Variants in LRBA observed in about 807,000 individuals in gnomAD.
LRBA encodes the protein LPS responsive beige-like anchor protein.
Under a neutral mutation model 330.0 loss-of-function variants are expected in LRBA, and 176 were observed. That is an observed-to-expected ratio of 0.53 (90% CI 0.47 to 0.60). The LOEUF (loss-of-function observed/expected upper bound fraction) is 0.60. Among genes scored for constraint, LRBA ranks in the 20% least tolerant of loss-of-function variants. The pLI is 0.00. For synonymous variants in LRBA, 1,230 were observed against 1,193.0 expected, an observed-to-expected ratio of 1.03 and a Z score of -0.64; for missense variants, 3,259 against 3,444.8, an observed-to-expected ratio of 0.95 and a Z score of 1.35.
chr4:150,872,131 C>T (rs192686539), intron 18 of LRBA, among the ~76,000 whole-genome samples: 1 of 152,310 alleles, frequency 6.6e-6, no homozygotes, highest in Admixed American at 6.5e-5. Flanking sequence ...ACTTTATTTA[C>T]AGGTGGCTAA....
chr4:150,945,837 T>C (rs1736183083), intron 2 of LRBA, among the ~76,000 whole-genome samples: 1 of 152,104 alleles, frequency 6.6e-6, no homozygotes, highest in Admixed American at 6.5e-5. Flanking sequence ...TCTCGCTTTG[T>C]TGCCCAGGCT....
At chr4:150,932,327 A>T (rs968804823) in intron 2 of LRBA, among the ~76,000 whole-genome samples, 5 of 151,974 alleles carry the variant, frequency 3.3e-5, no homozygotes, top group East Asian at 1.9e-4. Context: ...AAAAATTTTT[A>T]AAAGAAAATA....
At chr4:150,500,058 C>T (rs1760060398) in intron 40 of LRBA, among the ~76,000 whole-genome samples, 1 of 152,038 alleles carries the variant, frequency 6.6e-6, no homozygotes, top group Admixed American at 6.6e-5. Context: ...TGTAGAATGA[C>T]TCCAGTGAAC....
intron 47 of LRBA, among the ~76,000 whole-genome samples, chr4:150,391,861 CA>C (rs33972095): frequency 0.46 from 68,952 of 150,984 alleles, 15,835 homozygotes; most frequent in South Asian, 0.5. Flanking sequence ...TTTCAGCTCA[CA>C]CCCTTCTAAC....
At chr4:150,671,304 G>A (rs1446283202) in intron 37 of LRBA, among the ~76,000 whole-genome samples, 1 of 152,268 alleles carries the variant, frequency 6.6e-6, no homozygotes, top group African/African-American at 2.4e-5. Context: ...GTCAGACACT[G>A]TTCTATATGC....
intron 56 of LRBA, among the ~76,000 whole-genome samples, chr4:150,266,481 C>T (rs1745353584): frequency 6.6e-6 from 1 of 152,006 alleles, no homozygotes; most frequent in African/African-American, 2.4e-5. Flanking sequence ...AGATGGAGAA[C>T]ATAGGTGAAC....
intron 36 of LRBA, among the ~76,000 whole-genome samples, chr4:150,697,340 A>AAAAAAC (rs1784733238): frequency 6.7e-6 from 1 of 148,734 alleles, no homozygotes; most frequent in Non-Finnish European, 1.5e-5. Context: ...AAAAAAAAAA[A>AAAAAAC]AAAAAAAAAA....
intron 35 of LRBA, among the ~76,000 whole-genome samples, chr4:150,736,232 GATA>G (rs1731163992): frequency 2.6e-5 from 4 of 152,144 alleles, no homozygotes; most frequent in African/African-American, 4.8e-5. Context: ...TCTAAAGGAA[GATA>G]ATATCATAGA....
intron 29 of LRBA, among the ~76,000 whole-genome samples, chr4:150,828,961 G>A (rs1746737488): frequency 6.6e-6 from 1 of 151,152 alleles, no homozygotes; most frequent in South Asian, 2.1e-4. Context: ...GTGTGTGTGT[G>A]TGTCAGTCTG....
intron 40 of LRBA, among the ~76,000 whole-genome samples, chr4:150,546,269 A>G (rs1049188638): frequency 3.3e-5 from 5 of 152,212 alleles, no homozygotes; most frequent in African/African-American, 1.2e-4. Context: ...TTGGTGAACA[A>G]ATACAATGTT....
At position 150,471,605 on chromosome 4, in the gene LRBA, A is replaced by G; in HGVS notation, c.6667+19T>C. On this transcript the variant is annotated intron_variant, in intron 43 of 56. Coordinates refer to ENST00000651943, the MANE Select transcript of LRBA (RefSeq NM_001364905.1). Reference sequence around the variant, plus strand: ...ATAATTTATTGTCTAAAATAAATCAATACATGGAATTAGGTTACCTGCTAT... The same window carrying G: ...ATAATTTATTGTCTAAAATAAATCAGTACATGGAATTAGGTTACCTGCTAT... 7.8e-7 allele frequency: 1 copy of G among 1,277,144 alleles called. No homozygotes were observed. The highest frequency in any genetic ancestry group is 1.1e-6 in the Non-Finnish European group (1 of 898,182). 79.1% of individuals were successfully genotyped at this position (1,277,144 alleles called of 1,614,324 possible).
chr4:150,294,060 G>A (rs571202151), intron 53 of LRBA, among the ~76,000 whole-genome samples: 4 of 152,278 alleles, frequency 2.6e-5, no homozygotes, highest in Admixed American at 1.3e-4. Flanking sequence ...AAGTTTCTGG[G>A]GAGTCAAAAG....
At chr4:150,615,664 T>C (rs1160371345) in intron 37 of LRBA, among the ~76,000 whole-genome samples, 2 of 152,204 alleles carry the variant, frequency 1.3e-5, no homozygotes, top group South Asian at 2.1e-4. Flanking sequence ...AATTTGGTTT[T>C]AAACATGTTT....
In LRBA at chr4:150,265,661, G is replaced by T; in HGVS notation, c.*61C>A. 1 of 1,070,678 alleles carries T rather than the reference G, an allele frequency of 9.3e-7. No homozygotes were observed. The highest frequency in any genetic ancestry group is 1.5e-6 in the Non-Finnish European group (1 of 685,152). 66.3% of individuals were successfully genotyped at this position (1,070,678 alleles called of 1,614,324 possible). ...AGTTACATTCAGATGTGGTAGAAGA[G>T]AATGATGCTCCAGGTACTTCTGCTC... On this transcript the variant is annotated 3_prime_UTR_variant, in exon 57 of 57. Transcript: ENST00000651943.
chr4:150,717,765 A>C (rs1227525202), intron 36 of LRBA, among the ~76,000 whole-genome samples: 1 of 151,168 alleles, frequency 6.6e-6, no homozygotes, highest in Non-Finnish European at 1.5e-5. Flanking sequence ...CTTCAAAAAA[A>C]CCGAGAGACC....
intron 38 of LRBA, 148 bp downstream of exon 38, chr4:150,598,859 T>A (rs1773799800): frequency 1.2e-6 from 1 of 813,454 alleles, no homozygotes; most frequent in Admixed American, 2.9e-5. Context: ...ATAGTAACTA[T>A]AAAAAAATTT....
chr4:150,599,175 CA>C (rs1773844974), intron 37 of LRBA, 44 bp from the exon 38 acceptor site: 1 of 1,608,408 alleles, frequency 6.2e-7, no homozygotes, highest in African/African-American at 1.3e-5. Flanking sequence ...AATTATCAAA[CA>C]GCGTGGTAGC....
intron 40 of LRBA, among the ~76,000 whole-genome samples, chr4:150,497,851 T>C (rs1403841604): frequency 6.6e-6 from 1 of 152,054 alleles, no homozygotes; most frequent in Non-Finnish European, 1.5e-5. Context: ...CCACAGCAAA[T>C]GATGTATCAG....
intron 2 of LRBA, among the ~76,000 whole-genome samples, chr4:151,003,693 G>A (rs1743674313): frequency 6.6e-6 from 1 of 152,084 alleles, no homozygotes; most frequent in Admixed American, 6.6e-5. Context: ...TCAGGAGGCT[G>A]AGGTGGGAGG....
Sources: gnomAD v4.1 joint callset for allele counts (sites outside exome capture counted in the v4.1 genomes callset) on GRCh38, gnomAD v4.1.1 for gene constraint, MANE v1.5 for transcripts, NCBI Gene and HGNC (gene_info 2026-07-23, HGNC 2026-07-21) for gene names.